The following ADAMTSL1 variants were observed in gnomAD, a reference collection of about 807,000 sequenced individuals.
ADAMTSL1 encodes ADAMTS like 1, also known as ADAMTS-like protein 1.
In ADAMTSL1, 126 loss-of-function variants were observed where a neutral mutation model predicts 201.8. The ratio of observed to expected loss-of-function variants is 0.62; its 90% CI spans 0.54 to 0.72. The LOEUF (loss-of-function observed/expected upper bound fraction) is 0.72. Ranked by LOEUF, ADAMTSL1 falls within the 30% of genes least tolerant of loss-of-function variation. ADAMTSL1 has a pLI of 0.00. For missense variants in ADAMTSL1, 2,679 were observed against 2,277.8 expected (o/e 1.18, Z -3.59); for synonymous variants, 1,121 against 903.4 (o/e 1.24, Z -4.32).
At chr9:18,158,759 T>C (rs2132074201) in intron 1 of ADAMTSL1, among the ~76,000 whole-genome samples, 1 of 152,138 alleles carries the variant, frequency 6.6e-6, no homozygotes, top group Admixed American at 6.6e-5. Context: ...TAGTCCTTTG[T>C]GTGCATGTCC....
chr9:18,265,907 C>T (rs184255863), intron 2 of ADAMTSL1, among the ~76,000 whole-genome samples: 1 of 152,028 alleles, frequency 6.6e-6, no homozygotes, highest in South Asian at 2.1e-4. Flanking sequence ...GAATGAAAAC[C>T]AATATTGTGA....
intron 1 of ADAMTSL1, among the ~76,000 whole-genome samples, chr9:18,149,216 A>C (rs140424521): frequency 6.6e-6 from 1 of 152,004 alleles, no homozygotes; most frequent in Non-Finnish European, 1.5e-5. Context: ...TTACCGAGAT[A>C]ATGTTGAGTA....
chr9:18,468,159 C>T (rs983104268), intron 2 of ADAMTSL1, among the ~76,000 whole-genome samples: 1 of 152,136 alleles, frequency 6.6e-6, no homozygotes, highest in African/African-American at 2.4e-5. Flanking sequence ...AGTAGGTGCT[C>T]AGTAAGTGTT....
intron 14 of ADAMTSL1, among the ~76,000 whole-genome samples, chr9:18,717,174 A>G (rs1833001037): frequency 6.6e-6 from 1 of 150,956 alleles, no homozygotes; most frequent in African/African-American, 2.4e-5. Flanking sequence ...AGCATGGCAC[A>G]TGTATACCTA....
At chr9:18,872,307 G>T (rs866138402) in intron 23 of ADAMTSL1, among the ~76,000 whole-genome samples, 2 of 152,170 alleles carry the variant, frequency 1.3e-5, no homozygotes, top group Middle Eastern at 3.2e-3. Context: ...AACAAGGGAA[G>T]AGGTTGGGAT....
chr9:18,275,999 G>A (rs1832572925), intron 2 of ADAMTSL1, among the ~76,000 whole-genome samples: 1 of 151,898 alleles, frequency 6.6e-6, no homozygotes, highest in African/African-American at 2.4e-5. Flanking sequence ...GAGGGTTCTG[G>A]TTTCCCTACA....
At chr9:18,136,259 G>A (rs775928066) in intron 1 of ADAMTSL1, among the ~76,000 whole-genome samples, 1 of 152,122 alleles carries the variant, frequency 6.6e-6, no homozygotes, top group Admixed American at 6.6e-5. Context: ...GAACGTCAGA[G>A]GTGTGCATTG....
At chr9:18,756,281 C>CAAA (rs11326013) in intron 16 of ADAMTSL1, among the ~76,000 whole-genome samples, 209 of 68,304 alleles carry the variant, frequency 3.1e-3, no homozygotes, top group East Asian at 5.2e-3. Context: ...TCTGTCTCGA[C>CAAA]AAAAAAAAAA....
intron 1 of ADAMTSL1, among the ~76,000 whole-genome samples, chr9:17,924,783 C>T (rs1826456236): frequency 8.6e-6 from 1 of 116,198 alleles, no homozygotes; most frequent in Non-Finnish European, 1.8e-5. Flanking sequence ...CCATTCAGGA[C>T]ATAGGCATGG....
intron 2 of ADAMTSL1, among the ~76,000 whole-genome samples, chr9:18,404,007 G>A (rs1430851934): frequency 6.6e-6 from 1 of 152,008 alleles, no homozygotes; most frequent in Non-Finnish European, 1.5e-5. Flanking sequence ...CAATAGAAAG[G>A]AATAATGATG....
intron 19 of ADAMTSL1, among the ~76,000 whole-genome samples, chr9:18,785,093 G>A (rs1003645233): frequency 2.0e-5 from 3 of 152,142 alleles, no homozygotes; most frequent in African/African-American, 7.2e-5. Flanking sequence ...GAACGCAGGA[G>A]GTGGAGGTTG....
chr9:18,078,939 G>A (rs568164527), intron 1 of ADAMTSL1, among the ~76,000 whole-genome samples: 11 of 152,282 alleles, frequency 7.2e-5, no homozygotes, highest in Admixed American at 3.3e-4. Context: ...TCCAGGCAGC[G>A]ACCTCTCCTT....
intron 1 of ADAMTSL1, among the ~76,000 whole-genome samples, chr9:17,944,167 A>C (rs1232458470): frequency 6.6e-6 from 1 of 152,096 alleles, no homozygotes; most frequent in Non-Finnish European, 1.5e-5. Context: ...TTATACACAA[A>C]TAACAGACAA....
chr9:17,921,828 T>TAA (rs1480823554), intron 1 of ADAMTSL1, among the ~76,000 whole-genome samples: 2 of 152,158 alleles, frequency 1.3e-5, no homozygotes, highest in East Asian at 3.9e-4. Context: ...AACACAATAA[T>TAA]AACAGCTCTC....
At chr9:18,698,510 T>A (rs991237089) in intron 13 of ADAMTSL1, among the ~76,000 whole-genome samples, 1 of 152,024 alleles carries the variant, frequency 6.6e-6, no homozygotes, top group African/African-American at 2.4e-5. Flanking sequence ...GGTCTTGAAC[T>A]CCCGACCTCA....
chr9:18,098,385 A>G lies in ADAMTSL1; in HGVS notation c.88-65477A>G, dbSNP rs138741986. Reference sequence around the variant, plus strand: ...ATCTTCTAATTCGTGGACATGATATATCTTTTTAAAAATGTAGATCTTTAA... The same window carrying G: ...ATCTTCTAATTCGTGGACATGATATGTCTTTTTAAAAATGTAGATCTTTAA... On this transcript the variant is annotated intron_variant, in intron 1 of 29. Coordinates refer to the ADAMTSL1 transcript ENST00000680146. Among the ~76,000 whole-genome samples, 436 of 152,320 alleles carry G rather than the reference A, an allele frequency of 2.9e-3. 1 individual carries two copies. The highest frequency in any genetic ancestry group is 9.9e-3 in the African/African-American group (412 of 41,578).
chr9:18,026,622 G>A (rs1190218982), intron 1 of ADAMTSL1, among the ~76,000 whole-genome samples: 1 of 152,020 alleles, frequency 6.6e-6, no homozygotes, highest in Admixed American at 6.6e-5. Flanking sequence ...TTGTCTTGAG[G>A]ATTTTTGTGA....
rs577373335 is a variant in ADAMTSL1, at chr9:18,531,509, C to G, written c.192-1738C>G. ...TGGTTTCAATGTGTGGCCAGCCATT[C>G]CTTTTCTATTTTTAATGCATAGTAA... On this transcript the variant is annotated intron_variant, in intron 2 of 28. Coordinates refer to ENST00000380548, the MANE Select transcript of ADAMTSL1 (RefSeq NM_001040272.6). Among the ~76,000 whole-genome samples the G allele has an allele frequency of 9.9e-5, 15 of 152,202 alleles. No homozygotes were observed. In the East Asian group the frequency reaches 1.5e-3, roughly 16 times the overall value.
At chr9:18,113,526 G>T (rs1321459181) in intron 1 of ADAMTSL1, among the ~76,000 whole-genome samples, 1 of 152,018 alleles carries the variant, frequency 6.6e-6, no homozygotes, top group Non-Finnish European at 1.5e-5. Context: ...AGAGCAGAAA[G>T]AAAAAAGCAT....
Sources: gnomAD v4.1 joint callset for allele counts (sites outside exome capture counted in the v4.1 genomes callset) on GRCh38, gnomAD v4.1.1 for gene constraint, MANE v1.5 for transcripts, NCBI Gene and HGNC (gene_info 2026-07-23, HGNC 2026-07-21) for gene names.